The following ITPKB variants were observed in gnomAD, a reference collection of about 807,000 sequenced individuals.
ITPKB encodes IP3 3-kinase B.
In ITPKB, 13 loss-of-function variants were observed where a neutral mutation model predicts 69.4. That is an observed-to-expected ratio of 0.19 (90% CI 0.12 to 0.30). The LOEUF is 0.30. ITPKB is among the 10% of genes least tolerant of loss of function. The pLI is 1.00. For synonymous variants in ITPKB, 584 were observed against 513.7 expected, an observed-to-expected ratio of 1.14 and a Z score of -1.85; for missense variants, 1,240 against 1,250.5, an observed-to-expected ratio of 0.99 and a Z score of 0.13.
chr1:226,652,711 G>C (rs993143689), intron 2 of ITPKB, among the ~76,000 whole-genome samples: 5 of 152,226 alleles, frequency 3.3e-5, no homozygotes, highest in Admixed American at 3.3e-4. Context: ...ACCTGCTCCT[G>C]CATCACCTCC....
intron 2 of ITPKB, chr1:226,675,214 C>T (rs193009580): frequency 1.3e-5 from 2 of 151,750 alleles, no homozygotes; most frequent in African/African-American, 4.8e-5. Context: ...CACGACCCAC[C>T]GGGTGCTGAG....
chr1:226,662,555 A>G (rs953975714), intron 2 of ITPKB, among the ~76,000 whole-genome samples: 3 of 152,254 alleles, frequency 2.0e-5, no homozygotes, highest in Non-Finnish European at 4.4e-5. Context: ...GGCCAAGAAC[A>G]TTAATGGACA....
Position 226,737,111 on chromosome 1 carries a change from G to T in ITPKB, c.348C>A (p.Ala116=). 6.2e-7 allele frequency: 1 copy of T among 1,605,562 alleles called. No individual in the cohort carries two copies. Among genetic ancestry groups the T allele is most frequent in the Non-Finnish European group, 8.5e-7 (1 of 1,179,736 alleles). The part of the protein sequence containing the change: ...LRGDRQQVVA[A]GTLSPPGPEE... Reference sequence around the variant, plus strand: ...CCGGCCCTGGCGGGGAGAGGGTACCGGCTGCCACCACCTGCTGCCGGTCCC... The same window carrying T: ...CCGGCCCTGGCGGGGAGAGGGTACCTGCTGCCACCACCTGCTGCCGGTCCC... Residue 116 remains alanine, a synonymous_variant, in exon 2 of 8, where the codon GCC becomes GCA. Coordinates refer to ENST00000429204, the MANE Select transcript of ITPKB (RefSeq NM_002221.4).
chr1:226,675,459 T>C (rs957537310), intron 2 of ITPKB, among the ~76,000 whole-genome samples: 1 of 152,156 alleles, frequency 6.6e-6, no homozygotes, highest in Non-Finnish European at 1.5e-5. Context: ...GGAAAAACTC[T>C]CATGATCACT....
rs150487104 is a variant in ITPKB, at chr1:226,635,985, A to G, written c.2626-1099T>C. 4.6e-3 allele frequency among the ~76,000 whole-genome samples: 699 copies of G among 152,342 alleles called. 7 individuals carry two copies. Among genetic ancestry groups the G allele is most frequent in the African/African-American group, 0.016 (656 of 41,582 alleles). ...GGGGCCCCTGGCGAGGCTGAGCCCA[A>G]AAAAGGGGCTTCCTCTTCGCAGGTG... On this transcript the variant is annotated intron_variant, in intron 7 of 7. Coordinates refer to ENST00000429204, the MANE Select transcript of ITPKB (RefSeq NM_002221.4).
At chr1:226,701,790 A>G (rs1390859523) in intron 2 of ITPKB, among the ~76,000 whole-genome samples, 1 of 152,100 alleles carries the variant, frequency 6.6e-6, no homozygotes, top group Non-Finnish European at 1.5e-5. Flanking sequence ...CACACACTTC[A>G]GGGGCGCTCA....
At chr1:226,649,387 TGTGCATGA>T (rs1669129184) in intron 2 of ITPKB, among the ~76,000 whole-genome samples, 2 of 148,812 alleles carry the variant, frequency 1.3e-5, no homozygotes, top group African/African-American at 4.9e-5. Flanking sequence ...TGTGTGCATG[TGTGCATGA>T]GTGTGTGTGC....
In ITPKB at chr1:226,737,232, C is replaced by T. The variant is rs377301585; in HGVS notation, c.227G>A (p.Arg76Gln). The change falls in exon 2 of 8, where the codon CGG becomes CAG. Residue 76 changes from arginine (R) to glutamine (Q), a missense_variant. Transcript: ENST00000429204. ...PEEPRSPGGW[R>Q]SGRRRLNSSS... Reference sequence around the variant, plus strand: ...ACTATTCAGCCTGCGCCGGCCGCTCCGCCAGCCCCCGGGGCTCCGGGGCTC... The same window carrying T: ...ACTATTCAGCCTGCGCCGGCCGCTCTGCCAGCCCCCGGGGCTCCGGGGCTC... The T allele has an allele frequency of 2.6e-6, 4 of 1,561,060 alleles. No homozygotes were observed. The highest frequency in any genetic ancestry group is 1.9e-5 in the Admixed American group (1 of 53,334).
intron 2 of ITPKB, among the ~76,000 whole-genome samples, chr1:226,733,802 T>C (rs961004166): frequency 1.3e-5 from 2 of 152,056 alleles, no homozygotes; most frequent in African/African-American, 4.8e-5. Flanking sequence ...TTCTGGCAAA[T>C]GGAAAAAAAA....
chr1:226,737,274 T>C lies in ITPKB; in HGVS notation c.185A>G (p.Glu62Gly). Residue 62 changes from glutamate (E) to glycine (G), a missense_variant, in exon 2 of 8, where the codon GAG becomes GGG. Around this residue, in one of 2 missense-constraint regions of ITPKB, gnomAD observed 992 missense variants for 853.8 expected, o/e 1.16. Coordinates refer to ENST00000429204, the MANE Select transcript of ITPKB (RefSeq NM_002221.4). ...RGASFLFPPAESLSPEEPRSP... is the reference protein window; with the variant it reads ...RGASFLFPPAGSLSPEEPRSP... ...CCGGGGCTCCTCGGGGGACAGCGAC[T>C]CGGCTGGGGGGAAGAGGAAAGAGGC... The C allele has an allele frequency of 6.4e-7, 1 of 1,554,386 alleles. No homozygotes were observed. Among genetic ancestry groups the C allele is most frequent in the Non-Finnish European group, 8.6e-7 (1 of 1,157,446 alleles).
At chr1:226,725,422 C>T (rs917423341) in intron 2 of ITPKB, among the ~76,000 whole-genome samples, 1 of 152,256 alleles carries the variant, frequency 6.6e-6, no homozygotes. Flanking sequence ...CCTGGCCATA[C>T]AGAAGAGGCA....
In ITPKB at chr1:226,736,704, G is replaced by A. The variant is rs563985567; in HGVS notation, c.755C>T (p.Ser252Phe). 1.2e-6 allele frequency: 2 copies of A among 1,612,904 alleles called. No homozygotes were observed. Among genetic ancestry groups the A allele is most frequent in the East Asian group, 2.2e-5 (1 of 44,834 alleles). ...APTGSEAQGPSAFVRMEKGIP... is the reference protein window; with the variant it reads ...APTGSEAQGPFAFVRMEKGIP... ...ACCCTTCTCCATCCTTACAAAAGCG[G>A]ATGGACCCTGAGCCTCTGATCCTGT... Residue 252 changes from serine (S) to phenylalanine (F), a missense_variant, in exon 2 of 8, where the codon TCC becomes TTC. Around this residue, in one of 2 missense-constraint regions of ITPKB, gnomAD observed 992 missense variants for 853.8 expected, o/e 1.16. Transcript: ENST00000429204.
chr1:226,649,801 TAATA>T (rs1330404461), intron 2 of ITPKB, among the ~76,000 whole-genome samples: 3 of 151,038 alleles, frequency 2.0e-5, no homozygotes, highest in African/African-American at 7.3e-5. Flanking sequence ...TAAATAAAAT[TAATA>T]AAATTCTTTT....
intron 2 of ITPKB, among the ~76,000 whole-genome samples, chr1:226,706,717 G>A (rs764283088): frequency 6.6e-6 from 1 of 152,192 alleles, no homozygotes; most frequent in Non-Finnish European, 1.5e-5. Flanking sequence ...GGGGCCTGTG[G>A]GAGGAGGAGG....
intron 2 of ITPKB, among the ~76,000 whole-genome samples, chr1:226,652,973 C>A (rs1261981758): frequency 5.3e-5 from 8 of 152,112 alleles, no homozygotes; most frequent in Admixed American, 5.2e-4. Flanking sequence ...TTGCTGCTGG[C>A]CGGCATTGCT....
rs397714660 is a variant in ITPKB at position 226,702,399 on chromosome 1, G to GAA, written c.1932+33126_1932+33127dup. Among the ~76,000 whole-genome samples the GAA allele has an allele frequency of 1.5e-3, 209 of 136,914 alleles. 2 individuals are homozygous for GAA. Among genetic ancestry groups the GAA allele is most frequent in the African/African-American group, 5.4e-3 (202 of 37,386 alleles). The allele number at this position is 136,914 out of a possible 152,430, so 89.8% of individuals were successfully genotyped here. ...GGCGACACAGTGAGACTCCCTCTCG[G>GAA]AAAAAAAAAAAAAAAGGGAAAGTTC... On this transcript the variant is annotated intron_variant, in intron 2 of 7. Transcript: ENST00000429204.
At position 226,715,113 on chromosome 1, in the gene ITPKB, T is replaced by C. The variant is rs139071448; in HGVS notation, c.1932+20414A>G. Among the ~76,000 whole-genome samples, 29 of 152,374 alleles carry C rather than the reference T, an allele frequency of 1.9e-4. No homozygotes were observed. The East Asian group carries it at 3.3e-3, about 17-fold the overall frequency. ...ACATGTCACTTAACTTCTCCTTCAA[T>C]GACTACCACATAATAAAAGCATAAT... On this transcript the variant is annotated intron_variant, in intron 2 of 7. Transcript: ENST00000429204.
intron 2 of ITPKB, among the ~76,000 whole-genome samples, chr1:226,655,173 G>C (rs1571842451): frequency 6.6e-6 from 1 of 152,148 alleles, no homozygotes; most frequent in East Asian, 1.9e-4. Context: ...GGGATGTGTG[G>C]GCCTCTGGCC....
In ITPKB at chr1:226,642,213, G is replaced by C; in HGVS notation, c.2247-88C>G. On this transcript the variant is annotated intron_variant, in intron 4 of 7. Transcript: ENST00000429204. The surrounding 1 kb of genome is among the most constrained non-coding windows in gnomAD (Gnocchi z 6.4). Reference sequence around the variant, plus strand: ...TTCCTGCCTGGTGGATGAAGGTTTGGGGCGTGTGTTGCCCAACAGCTGCAG... The same window carrying C: ...TTCCTGCCTGGTGGATGAAGGTTTGCGGCGTGTGTTGCCCAACAGCTGCAG... 2 of 1,134,962 alleles carry C rather than the reference G, an allele frequency of 1.8e-6. No individual in the cohort carries two copies. The highest frequency in any genetic ancestry group is 2.5e-6 in the Non-Finnish European group (2 of 785,580). The allele number at this position is 1,134,962 out of a possible 1,614,324, so 70.3% of individuals were successfully genotyped here. A position where few individuals can be genotyped will look rare whatever the true frequency, so the allele number is the denominator to read the frequency against.
Sources: gnomAD v4.1 joint callset for allele counts (sites outside exome capture counted in the v4.1 genomes callset) on GRCh38, gnomAD v4.1.1 for gene constraint, gnomAD v4.1.1 regional missense constraint, Gnocchi (gnomAD v3.1) non-coding constraint, MANE v1.5 for transcripts, NCBI Gene and HGNC (gene_info 2026-07-23, HGNC 2026-07-21) for gene names.